Variants in FBLN7 observed in about 807,000 individuals in gnomAD.
The protein encoded by FBLN7 is fibulin-7.
In FBLN7, 31 loss-of-function variants were observed where a neutral mutation model predicts 44.0. The ratio of observed to expected loss-of-function variants is 0.70; its 90% confidence interval spans 0.53 to 0.95. The LOEUF is 0.95. FBLN7 is among the 40% of genes least tolerant of loss of function. The pLI, the probability that FBLN7 is intolerant of heterozygous loss-of-function variation, is 0.00. For synonymous variants in FBLN7, 262 were observed against 253.4 expected, an observed-to-expected ratio of 1.03 and a Z score of -0.32; for missense variants, 573 against 618.5, an observed-to-expected ratio of 0.93 and a Z score of 0.78.
chr2:112,218,056 C>T, the FBLN7 span, among the ~76,000 whole-genome samples: 82 of 152,308 alleles, frequency 5.4e-4, no homozygotes, highest in African/African-American at 1.7e-3. Context: ...ACCCAGCTCT[C>T]AGTTGTTCTT....
At chr2:112,238,594 A>T in the FBLN7 span, 1 of 1,351,992 alleles carries the variant, frequency 7.4e-7, no homozygotes, top group South Asian at 1.4e-5. Context: ...GGCTATACAG[A>T]AGAAACAAGA....
At chr2:112,204,670 A>G in the FBLN7 span, among the ~76,000 whole-genome samples, 2 of 152,198 alleles carry the variant, frequency 1.3e-5, no homozygotes, top group African/African-American at 4.8e-5. Context: ...AGATCAAAGA[A>G]AAAAAGCTGT....
chr2:112,181,979 T>A, intron 5 of FBLN7, 103 bp downstream of exon 5: 2 of 1,404,922 alleles, frequency 1.4e-6, no homozygotes, highest in Non-Finnish European at 1.9e-6. Context: ...GGTGGCTTCC[T>A]GCGCGCGGTC....
At chr2:112,239,002 T>C in the FBLN7 span, among the ~76,000 whole-genome samples, 2 of 152,244 alleles carry the variant, frequency 1.3e-5, no homozygotes, top group African/African-American at 4.8e-5. Context: ...ACACTTAAGA[T>C]ACATCTAAGC....
Position 112,159,772 on chromosome 2 carries a change from A to AT in FBLN7, c.173dup (p.Met58IlefsTer78). On this transcript the variant is annotated frameshift_variant, in exon 2 of 8. Coordinates refer to ENST00000331203, the MANE Select transcript of FBLN7 (RefSeq NM_153214.3). LOFTEE classifies it high-confidence loss of function. ...ACGCTTCGCCGAGGGCATCCGCCACATGAAGAGCCGGCTGGCCGCGCTGCA... is the reference window on the plus strand; with the variant it reads ...ACGCTTCGCCGAGGGCATCCGCCACATTGAAGAGCCGGCTGGCCGCGCTGCA... 1 of 1,604,056 alleles carries AT rather than the reference A, an allele frequency of 6.2e-7. No homozygotes were observed. Among genetic ancestry groups the AT allele is most frequent in the Non-Finnish European group, 8.5e-7 (1 of 1,175,638 alleles).
intron 3 of FBLN7, among the ~76,000 whole-genome samples, chr2:112,166,406 T>G (rs4849048): frequency 2.0e-5 from 3 of 151,902 alleles, no homozygotes; most frequent in Admixed American, 1.3e-4. Flanking sequence ...CTCCAGAAAG[T>G]ATGCCATCCC....
At chr2:112,213,984 C>T in the FBLN7 span, 2 of 139,644 alleles carry the variant, frequency 1.4e-5, no homozygotes, top group Admixed American at 7.4e-5. Flanking sequence ...GTCTCACTGT[C>T]GCCCAGGCTG....
At chr2:112,170,220 T>A (rs1435646732) in intron 3 of FBLN7, among the ~76,000 whole-genome samples, 1 of 150,292 alleles carries the variant, frequency 6.7e-6, no homozygotes, top group Non-Finnish European at 1.5e-5. Flanking sequence ...CCAGCCTGGG[T>A]GACAAGAGCA....
chr2:112,191,351 T>A (rs1277387923), downstream of FBLN7, among the ~76,000 whole-genome samples: 1 of 152,062 alleles, frequency 6.6e-6, no homozygotes, highest in East Asian at 1.9e-4. Context: ...AATTTTTGTA[T>A]TTTCAGTAGA....
At chr2:112,157,610 G>C (rs1037543461) in intron 1 of FBLN7, among the ~76,000 whole-genome samples, 3 of 152,002 alleles carry the variant, frequency 2.0e-5, no homozygotes, top group Non-Finnish European at 4.4e-5. Context: ...TCATGTCCTG[G>C]CTCTTTTTCT....
the FBLN7 span, among the ~76,000 whole-genome samples, chr2:112,239,341 G>C: frequency 6.6e-6 from 1 of 152,252 alleles, no homozygotes; most frequent in South Asian, 2.1e-4. Context: ...ATTTTAATCA[G>C]AAAGTTTATT....
the FBLN7 span, among the ~76,000 whole-genome samples, chr2:112,220,159 T>C: frequency 1.3e-5 from 2 of 152,216 alleles, no homozygotes; most frequent in African/African-American, 4.8e-5. Context: ...TCAAGGTTAG[T>C]ATTGATACAT....
At chr2:112,237,162 G>A in the FBLN7 span, among the ~76,000 whole-genome samples, 1 of 152,158 alleles carries the variant, frequency 6.6e-6, no homozygotes, top group Non-Finnish European at 1.5e-5. Flanking sequence ...TTTCCTAGAA[G>A]CTCTGGGACT....
rs942411289 is a variant in FBLN7 at position 112,168,928 on chromosome 2, A to G, written c.406+3757A>G. Reference sequence around the variant, plus strand: ...CAGCTGCTTGGAAAGACAGTGATGAACCCAACTTGGCAGGGAAGGAAATTG... The same window carrying G: ...CAGCTGCTTGGAAAGACAGTGATGAGCCCAACTTGGCAGGGAAGGAAATTG... On this transcript the variant is annotated intron_variant, in intron 3 of 7. Transcript: ENST00000331203. Among the ~76,000 whole-genome samples the G allele has an allele frequency of 2.0e-5, 3 of 152,104 alleles. 1 individual carries two copies. Among genetic ancestry groups the G allele is most frequent in the South Asian group, 4.1e-4 (2 of 4,824 alleles).
chr2:112,138,972 C>A (rs1451103550), intron 1 of FBLN7, among the ~76,000 whole-genome samples: 3 of 125,792 alleles, frequency 2.4e-5, no homozygotes. Flanking sequence ...AGCGTCCCTC[C>A]CGCCTCTCTC....
At chr2:112,150,015 C>T (rs972972608) in intron 1 of FBLN7, among the ~76,000 whole-genome samples, 1 of 152,198 alleles carries the variant, frequency 6.6e-6, no homozygotes, top group African/African-American at 2.4e-5. Flanking sequence ...ACATCAAAGA[C>T]CAGAGGCATG....
the FBLN7 span, among the ~76,000 whole-genome samples, chr2:112,237,694 G>C: frequency 1.5e-4 from 23 of 151,730 alleles, no homozygotes; most frequent in African/African-American, 5.3e-4. Context: ...TCGTGCCTCA[G>C]CCTCCAGGGT....
At chr2:112,227,002 C>A in the FBLN7 span, among the ~76,000 whole-genome samples, 1 of 152,132 alleles carries the variant, frequency 6.6e-6, no homozygotes, top group African/African-American at 2.4e-5. Flanking sequence ...CAAGATTCAT[C>A]CATGATAAAA....
the FBLN7 span, among the ~76,000 whole-genome samples, chr2:112,211,218 T>C: frequency 6.6e-5 from 10 of 152,358 alleles, no homozygotes; most frequent in Non-Finnish European, 1.5e-4. Context: ...CATGATAATC[T>C]GCCCCACATT....
Sources: allele counts gnomAD v4.1 joint callset (sites outside exome capture counted in the v4.1 genomes callset), GRCh38; gene constraint gnomAD v4.1.1; transcripts MANE v1.5; gene names NCBI Gene and HGNC (gene_info 2026-07-23, HGNC 2026-07-21).